BMP5: variants seen among roughly 807,000 people sequenced by gnomAD.
BMP5 encodes the protein bone morphogenetic protein 5.
In BMP5, 23 loss-of-function variants were observed where a neutral mutation model predicts 46.6. The ratio of observed to expected loss-of-function variants is 0.49; its 90% CI spans 0.35 to 0.70. The LOEUF (loss-of-function observed/expected upper bound fraction) is 0.70, where lower values mean the gene tolerates loss of function less well. Among genes scored for constraint, BMP5 ranks in the 30% least tolerant of loss-of-function variants. The pLI, the probability that BMP5 is intolerant of heterozygous loss-of-function variation, is 0.00. For synonymous variants in BMP5, 204 were observed against 191.9 expected (o/e 1.06, Z -0.52); for missense variants, 545 against 565.6 (o/e 0.96, Z 0.37).
intron 4 of BMP5, among the ~76,000 whole-genome samples, chr6:55,763,393 A>C (rs1398793060): frequency 6.6e-6 from 1 of 152,182 alleles, no homozygotes; most frequent in Non-Finnish European, 1.5e-5. Context: ...GTATAACAGA[A>C]TCTGGTTCCA....
rs773011154 is a variant in BMP5 at position 55,755,335 on chromosome 6, T to C, written c.*198A>G. 7.5e-6 allele frequency: 4 copies of C among 536,744 alleles called. No individual in the cohort carries two copies. The highest frequency in any genetic ancestry group is 5.7e-5 in the African/African-American group (3 of 52,244). The allele number at this position is 536,744 out of a possible 1,614,324, so 33.2% of individuals were successfully genotyped here. On this transcript the variant is annotated 3_prime_UTR_variant, in exon 7 of 7. Transcript: ENST00000370830. ...GTAGTGGCCTATGAAATAGATTTTA[T>C]TGATAAAGCCTCCACAGAAGAGAAT...
intron 3 of BMP5, among the ~76,000 whole-genome samples, chr6:55,788,705 C>T (rs1195269957): frequency 6.6e-6 from 1 of 151,852 alleles, no homozygotes; most frequent in Non-Finnish European, 1.5e-5. Context: ...CTATCACACT[C>T]ATTTTATTGA....
Position 55,755,319 on chromosome 6 carries a change from T to C in BMP5, c.*214A>G. On this transcript the variant is annotated 3_prime_UTR_variant, in exon 7 of 7. Transcript: ENST00000370830. The stretch of plus-strand genomic sequence containing the variant: ...TGATCTATTGTATAATGTAGTGGCC[T>C]ATGAAATAGATTTTATTGATAAAGC... 2 of 503,586 alleles carry C rather than the reference T, an allele frequency of 4.0e-6. No homozygotes were observed. The highest frequency in any genetic ancestry group is 5.1e-5 in the South Asian group (2 of 38,870). The allele number at this position is 503,586 out of a possible 1,614,324, so 31.2% of individuals were successfully genotyped here. A position where few individuals can be genotyped will look rare whatever the true frequency, so the allele number is the denominator to read the frequency against.
At chr6:55,798,933 C>T (rs1243953855) in intron 2 of BMP5, among the ~76,000 whole-genome samples, 1 of 152,096 alleles carries the variant, frequency 6.6e-6, no homozygotes, top group Admixed American at 6.5e-5. Flanking sequence ...ACAGCAGGAA[C>T]CAAAATTCAG....
intron 2 of BMP5, among the ~76,000 whole-genome samples, chr6:55,799,943 T>C (rs1374145881): frequency 6.6e-6 from 1 of 152,168 alleles, no homozygotes; most frequent in Non-Finnish European, 1.5e-5. Flanking sequence ...AAAGCACTTA[T>C]ATAAGTACCC....
chr6:55,817,995 T>G (rs531263560), intron 2 of BMP5, among the ~76,000 whole-genome samples: 132 of 152,268 alleles, frequency 8.7e-4, no homozygotes, highest in Non-Finnish European at 1.3e-3. Flanking sequence ...GACAAAAGTC[T>G]TTGTGTATTC....
chr6:55,790,393 C>A (rs1443069431), intron 3 of BMP5, among the ~76,000 whole-genome samples: 2 of 152,164 alleles, frequency 1.3e-5, no homozygotes, highest in African/African-American at 4.8e-5. Context: ...GTCCCATGAC[C>A]TCATGAAACT....
chr6:55,801,967 C>T (rs951092018), intron 2 of BMP5, among the ~76,000 whole-genome samples: 1 of 152,184 alleles, frequency 6.6e-6, no homozygotes, highest in Non-Finnish European at 1.5e-5. Context: ...AGTTGGGTAC[C>T]AATATTTTAC....
chr6:55,853,147 TAAAATAAAATAAAATAAAATAA>T (rs1160419149), intron 1 of BMP5, among the ~76,000 whole-genome samples: 1 of 13,114 alleles, frequency 7.6e-5, no homozygotes, highest in African/African-American at 9.1e-4. Flanking sequence ...ATAAATAAAA[TAAAATAAAATAAAATAAAATAA>T]AATAAAATAA....
At chr6:55,846,540 T>A (rs1001801197) in intron 1 of BMP5, among the ~76,000 whole-genome samples, 24 of 151,956 alleles carry the variant, frequency 1.6e-4, no homozygotes, top group Non-Finnish European at 2.9e-4. Flanking sequence ...ACCATTTCTC[T>A]TGTCATGTAC....
At chr6:55,756,568 T>A (rs900795134) in intron 6 of BMP5, among the ~76,000 whole-genome samples, 30 of 152,024 alleles carry the variant, frequency 2.0e-4, no homozygotes, top group East Asian at 1.7e-3. Flanking sequence ...CCAGAGGAGT[T>A]TATGGGAAAT....
chr6:55,868,945 A>G (rs1319495988), intron 1 of BMP5, among the ~76,000 whole-genome samples: 1 of 152,246 alleles, frequency 6.6e-6, no homozygotes, highest in East Asian at 1.9e-4. Context: ...CGGCCCAGCC[A>G]ATAAAATATG....
intron 1 of BMP5, among the ~76,000 whole-genome samples, chr6:55,834,769 C>T (rs1776749136): frequency 6.6e-6 from 1 of 151,924 alleles, no homozygotes; most frequent in African/African-American, 2.4e-5. Context: ...TGCTTACATA[C>T]CAAACAAATA....
intron 4 of BMP5, among the ~76,000 whole-genome samples, chr6:55,773,565 A>G (rs938535694): frequency 6.6e-6 from 1 of 151,386 alleles, no homozygotes; most frequent in African/African-American, 2.4e-5. Flanking sequence ...TAGTCCTCCA[A>G]ATAATGAAAA....
At chr6:55,819,620 T>C (rs1341667028) in intron 2 of BMP5, 35 bp downstream of exon 2, 1 of 1,535,480 alleles carries the variant, frequency 6.5e-7, no homozygotes, top group Admixed American at 1.7e-5. Context: ...TTACATATAT[T>C]TGCCAGGATA....
intron 3 of BMP5, among the ~76,000 whole-genome samples, chr6:55,778,105 A>G (rs577104507): frequency 6.6e-6 from 1 of 152,182 alleles, no homozygotes; most frequent in Non-Finnish European, 1.5e-5. Flanking sequence ...TGCATCAATA[A>G]CTATACCAAA....
At chr6:55,820,584 A>AT (rs922983585) in intron 1 of BMP5, among the ~76,000 whole-genome samples, 14 of 151,880 alleles carry the variant, frequency 9.2e-5, no homozygotes, top group Non-Finnish European at 2.9e-5. Context: ...CACCCAGCCA[A>AT]TTTTTTTATT....
intron 2 of BMP5, among the ~76,000 whole-genome samples, chr6:55,795,658 A>G (rs1034634393): frequency 1.3e-5 from 2 of 152,188 alleles, no homozygotes; most frequent in Admixed American, 6.5e-5. Context: ...CTTAGAAACT[A>G]CATCTTCGTT....
intron 2 of BMP5, among the ~76,000 whole-genome samples, chr6:55,813,932 A>T (rs1251802257): frequency 6.6e-6 from 1 of 152,182 alleles, no homozygotes; most frequent in Non-Finnish European, 1.5e-5. Flanking sequence ...ATCCGTCTAC[A>T]TCTGTCTATA....
Sources: gnomAD v4.1 joint callset for allele counts (sites outside exome capture counted in the v4.1 genomes callset) on GRCh38, gnomAD v4.1.1 for gene constraint, MANE v1.5 for transcripts, NCBI Gene and HGNC (gene_info 2026-07-23, HGNC 2026-07-21) for gene names.